The following WDFY4 variants were observed in gnomAD, a reference collection of about 807,000 sequenced individuals.
The protein encoded by WDFY4 is WDFY family member 4, also known as WD repeat- and FYVE domain-containing protein 4.
WDFY4 carries 169 observed loss-of-function variants against 351.9 expected under a neutral mutation model. The ratio of observed to expected loss-of-function variants is 0.48; its 90% CI spans 0.42 to 0.55. The LOEUF is 0.55. Among genes scored for constraint, WDFY4 ranks in the 20% least tolerant of loss-of-function variants. The pLI, the probability that WDFY4 is intolerant of heterozygous loss-of-function variation, is 0.00. For missense variants in WDFY4, 3,803 were observed against 3,935.6 expected, an observed-to-expected ratio of 0.97 and a Z score of 0.90; for synonymous variants, 1,622 against 1,574.6, an observed-to-expected ratio of 1.03 and a Z score of -0.71.
chr10:48,792,116 C>T (rs1239779811), intron 23 of WDFY4, among the ~76,000 whole-genome samples: 2 of 152,228 alleles, frequency 1.3e-5, no homozygotes, highest in African/African-American at 4.8e-5. Flanking sequence ...AGCCTATGTT[C>T]CCACCTCCCC....
intron 47 of WDFY4, among the ~76,000 whole-genome samples, chr10:48,936,983 G>A (rs894100083): frequency 1.5e-4 from 23 of 151,610 alleles, no homozygotes; most frequent in Non-Finnish European, 5.9e-5. Context: ...GCAGTGGCAC[G>A]ACCTCGGCTC....
Position 48,743,107 on chromosome 10 carries a change from C to T in WDFY4, c.2018C>T (p.Ser673Phe). The change falls in exon 12 of 62, where the codon TCC (serine) becomes TTC (phenylalanine). Residue 673 changes from serine to phenylalanine, a missense_variant. Around this residue, in one of 3 missense-constraint regions of WDFY4, gnomAD observed 3,054 missense variants for 3,148.6 expected, o/e 0.97. Transcript: ENST00000325239. ...EPPLQAWGAV[S>F]PRQTLELVLY... is the part of the protein sequence containing the mutation. ...CCGCTGCAGGCATGGGGAGCAGTAT[C>T]CCCCAGACAGACCCTGGAGCTGGTT... 1.3e-6 allele frequency: 2 copies of T among 1,551,682 alleles called. No homozygotes were observed. Among genetic ancestry groups the T allele is most frequent in the Non-Finnish European group, 1.7e-6 (2 of 1,146,984 alleles).
At chr10:48,783,582 T>C (rs2066297954) in intron 19 of WDFY4, among the ~76,000 whole-genome samples, 4 of 151,938 alleles carry the variant, frequency 2.6e-5, no homozygotes, top group Admixed American at 2.0e-4. Context: ...ATAATATAAA[T>C]GCATTTTGAA....
At chr10:48,713,757 A>C (rs1044377736) in intron 2 of WDFY4, among the ~76,000 whole-genome samples, 1 of 152,260 alleles carries the variant, frequency 6.6e-6, no homozygotes, top group Non-Finnish European at 1.5e-5. Flanking sequence ...AGGATGTTTC[A>C]GTCCTGATCT....
chr10:48,719,308 A>G (rs1004238272), intron 2 of WDFY4, among the ~76,000 whole-genome samples: 3 of 152,204 alleles, frequency 2.0e-5, no homozygotes, highest in African/African-American at 7.2e-5. Context: ...GAGGTTATCC[A>G]CCCTAGGAAT....
intron 25 of WDFY4, chr10:48,804,776 A>AGGG (rs10688279): frequency 1.0e-6 from 1 of 983,622 alleles, no homozygotes; most frequent in South Asian, 4.7e-5. Context: ...TATCTGAGGG[A>AGGG]GGGGGTATGG....
chr10:48,909,019 T>A (rs1426458147), intron 47 of WDFY4, among the ~76,000 whole-genome samples: 2 of 116,982 alleles, frequency 1.7e-5, no homozygotes, highest in African/African-American at 6.6e-5. Flanking sequence ...TCATAGAGTA[T>A]GTGACTTTTG....
chr10:48,877,062 G>A lies in WDFY4; in HGVS notation c.7030G>A (p.Glu2344Lys), dbSNP rs754229584. ...DELTLREAEGEPDEVGVDCTQ... is the reference protein window; with the variant it reads ...DELTLREAEGKPDEVGVDCTQ... ...ACTGACACTGAGGGAGGCTGAGGGC[G>A]AGCCGGACGAGGTGGGGGTGGACTG... Residue 2344 changes from glutamate to lysine, a missense_variant, in exon 43 of 62, where the codon GAG becomes AAG. Around this residue, in one of 3 missense-constraint regions of WDFY4, gnomAD observed 3,054 missense variants for 3,148.6 expected, o/e 0.97. Transcript: ENST00000325239. 17 of 1,514,932 alleles carry A rather than the reference G, an allele frequency of 1.1e-5. No individual in the cohort carries two copies. Among genetic ancestry groups the A allele is most frequent in the East Asian group, 7.4e-5 (3 of 40,292 alleles). 93.8% of individuals were successfully genotyped at this position (1,514,932 alleles called of 1,614,324 possible).
At position 48,788,541 on chromosome 10, in the gene WDFY4, G is replaced by C; in HGVS notation, c.3820G>C (p.Asp1274His). ...QAVHVQGEDL[D>H]SEATPFVAEE... ...ATGTGTTGTTACAGGGGAGGACCTGGACAGTGAAGCCACGCCCTTTGTTGC... is the reference window on the plus strand; with the variant it reads ...ATGTGTTGTTACAGGGGAGGACCTGCACAGTGAAGCCACGCCCTTTGTTGC... Residue 1274 changes from aspartate (D) to histidine (H), a missense_variant, in exon 21 of 62, where the codon GAC becomes CAC. By Grantham distance (81) the Asp-to-His change is moderately conservative. This residue lies in a region of WDFY4 where 3,054 missense variants were observed against 3,148.6 expected (regional missense o/e 0.97). Transcript: ENST00000325239. 6.4e-7 allele frequency: 1 copy of C among 1,552,114 alleles called. No homozygotes were observed. Among genetic ancestry groups the C allele is most frequent in the African/African-American group, 1.4e-5 (1 of 73,186 alleles).
At chr10:48,906,100 C>T (rs548146980) in intron 47 of WDFY4, among the ~76,000 whole-genome samples, 7 of 152,330 alleles carry the variant, frequency 4.6e-5, no homozygotes, top group Middle Eastern at 3.4e-3. Context: ...AGGCAATAAT[C>T]ATAGAATGAG....
intron 19 of WDFY4, among the ~76,000 whole-genome samples, chr10:48,782,833 A>T (rs574445456): frequency 6.6e-6 from 1 of 152,370 alleles, no homozygotes; most frequent in Admixed American, 6.5e-5. Flanking sequence ...TGATTTGGGA[A>T]CGATATGAGA....
intron 57 of WDFY4, among the ~76,000 whole-genome samples, chr10:48,973,196 T>C (rs978454412): frequency 6.6e-6 from 1 of 152,206 alleles, no homozygotes; most frequent in Non-Finnish European, 1.5e-5. Flanking sequence ...GGTTCCCTTC[T>C]CTGTTCTCTT....
intron 6 of WDFY4, 104 bp downstream of exon 6, chr10:48,726,174 C>T (rs1440752633): frequency 1.6e-6 from 2 of 1,270,072 alleles, no homozygotes; most frequent in Non-Finnish European, 2.1e-6. Context: ...ACTTGGGATG[C>T]TCTTGCAGCC....
Position 48,946,020 on chromosome 10 carries a change from G to T in WDFY4, c.7750-20G>T. The T allele has an allele frequency of 6.6e-7, 1 of 1,513,054 alleles. No homozygotes were observed. Among genetic ancestry groups the T allele is most frequent in the Non-Finnish European group, 8.9e-7 (1 of 1,128,080 alleles). 93.7% of individuals were successfully genotyped at this position (1,513,054 alleles called of 1,614,324 possible). A position where few individuals can be genotyped will look rare whatever the true frequency, so the allele number is the denominator to read the frequency against. On this transcript the variant is annotated intron_variant, in intron 49 of 61. Coordinates refer to ENST00000325239, the MANE Select transcript of WDFY4 (RefSeq NM_001394531.1). Reference sequence around the variant, plus strand: ...AAGCGGGTCTGGGGAGTTAACTCCAGCTGCACATCTGCCTTCTAGACATTG... The same window carrying T: ...AAGCGGGTCTGGGGAGTTAACTCCATCTGCACATCTGCCTTCTAGACATTG...
At chr10:48,955,924 T>G (rs1357663854) in intron 51 of WDFY4, among the ~76,000 whole-genome samples, 2 of 152,162 alleles carry the variant, frequency 1.3e-5, no homozygotes, top group Non-Finnish European at 2.9e-5. Flanking sequence ...AGGACAAGTT[T>G]TTGTTATACA....
chr10:48,734,889 C>T (rs1223865242), intron 10 of WDFY4, among the ~76,000 whole-genome samples: 1 of 151,706 alleles, frequency 6.6e-6, no homozygotes, highest in African/African-American at 2.4e-5. Context: ...AATTTACCTG[C>T]CTCAACCTCC....
At chr10:48,947,051 C>T in intron 51 of WDFY4, 82 bp downstream of exon 51, 10 of 1,166,092 alleles carry the variant, frequency 8.6e-6, no homozygotes, top group African/African-American at 1.5e-5. Context: ...AAGACCTGTG[C>T]TTGAACAAAG....
chr10:48,933,019 C>T (rs933238800), intron 47 of WDFY4, among the ~76,000 whole-genome samples: 3 of 151,928 alleles, frequency 2.0e-5, no homozygotes, highest in East Asian at 1.9e-4. Context: ...TAACGCTGGC[C>T]GTGGGGAGGC....
Position 48,848,751 on chromosome 10 carries a change from C to T in WDFY4, c.6663+16042C>T, listed in dbSNP as rs533234694. Among the ~76,000 whole-genome samples the T allele has an allele frequency of 1.9e-4, 29 of 152,354 alleles. No homozygotes were observed. The South Asian group carries it at 5.8e-3, about 31-fold the overall frequency. On this transcript the variant is annotated intron_variant, in intron 39 of 61. Transcript: ENST00000325239. ...CTCACGGCGACACAGAATGCTGCCC[C>T]TGCAGAGCTTACCTACTGCTGTGGC...
Sources: allele counts gnomAD v4.1 joint callset (sites outside exome capture counted in the v4.1 genomes callset), GRCh38; gene constraint gnomAD v4.1.1; regional missense constraint gnomAD v4.1.1; transcripts MANE v1.5; gene names NCBI Gene and HGNC (gene_info 2026-07-23, HGNC 2026-07-21).